PCDH15: variants seen among roughly 807,000 people sequenced by gnomAD.
The protein encoded by PCDH15 is protocadherin-15.
PCDH15 carries 129 observed loss-of-function variants against 178.5 expected under a neutral mutation model. That is an observed-to-expected ratio of 0.72 (90% confidence interval 0.63 to 0.84). The LOEUF is 0.84. PCDH15 is among the 40% of genes least tolerant of loss of function. PCDH15 has a pLI of 0.00. For synonymous variants in PCDH15, 800 were observed against 732.0 expected (o/e 1.09, Z -1.50); for missense variants, 2,230 against 2,099.9 (o/e 1.06, Z -1.21).
chr10:55,091,956 T>C (rs1286787967), intron 2 of PCDH15, among the ~76,000 whole-genome samples: 1 of 151,834 alleles, frequency 6.6e-6, no homozygotes, highest in Non-Finnish European at 1.5e-5. Context: ...AAACCAAGAT[T>C]TTGGTTTGCT....
chr10:54,456,311 C>T (rs1454292325), intron 3 of PCDH15, among the ~76,000 whole-genome samples: 1 of 152,164 alleles, frequency 6.6e-6, no homozygotes, highest in Non-Finnish European at 1.5e-5. Context: ...GGGAGCTCAC[C>T]TCTTGGAAAG....
At chr10:54,948,271 T>A (rs113345054) in intron 2 of PCDH15, among the ~76,000 whole-genome samples, 5 of 151,932 alleles carry the variant, frequency 3.3e-5, no homozygotes, top group Non-Finnish European at 7.4e-5. Flanking sequence ...TCTGTTTGAG[T>A]GCAAGGGCTG....
intron 4 of PCDH15, among the ~76,000 whole-genome samples, chr10:54,370,154 C>G (rs1947438829): frequency 6.6e-6 from 1 of 151,920 alleles, no homozygotes; most frequent in African/African-American, 2.4e-5. Flanking sequence ...GTTTGCAGAG[C>G]TGGAATGCAC....
rs576104466 is a variant in PCDH15 at position 54,826,435 on chromosome 10, A to G, written c.-29+71015T>C. Among the ~76,000 whole-genome samples, 65 of 152,144 alleles carry G rather than the reference A, an allele frequency of 4.3e-4. 3 individuals are homozygous for G. In the South Asian group the frequency reaches 0.013, roughly 30 times the overall value. ...GATGGCAAGATACAACTGAAACAAA[A>G]AAAAATTGAAATGAGATTAGCACAC... is the stretch of plus-strand genomic sequence containing the variant. On this transcript the variant is annotated intron_variant, in intron 3 of 5. Transcript: ENST00000458638.
chr10:55,361,473 A>G (rs923977750), intron 2 of PCDH15, among the ~76,000 whole-genome samples: 3 of 152,014 alleles, frequency 2.0e-5, no homozygotes, highest in African/African-American at 7.2e-5. Context: ...GAAATTTGAT[A>G]AGCTTTTTCT....
At chr10:54,715,755 C>T (rs1168813270) in intron 1 of PCDH15, among the ~76,000 whole-genome samples, 5 of 152,068 alleles carry the variant, frequency 3.3e-5, no homozygotes, top group Non-Finnish European at 7.4e-5. Flanking sequence ...GGCACACACA[C>T]GTCCACAGAT....
intron 3 of PCDH15, among the ~76,000 whole-genome samples, chr10:54,513,926 C>T (rs1221820244): frequency 6.6e-6 from 1 of 152,168 alleles, no homozygotes; most frequent in Non-Finnish European, 1.5e-5. Context: ...ATAAAAGGTG[C>T]TGACAGTTGT....
At chr10:54,846,013 C>T (rs970626214) in intron 3 of PCDH15, among the ~76,000 whole-genome samples, 2 of 151,944 alleles carry the variant, frequency 1.3e-5, no homozygotes, top group Non-Finnish European at 2.9e-5. Context: ...TTCTAAAAAC[C>T]ATTTAATATG....
chr10:55,331,640 T>C (rs1844200525), intron 2 of PCDH15, among the ~76,000 whole-genome samples: 2 of 152,032 alleles, frequency 1.3e-5, no homozygotes, highest in African/African-American at 2.4e-5. Flanking sequence ...AAGCTCTCAT[T>C]GTAGAAACAA....
chr10:54,595,325 C>G (rs1239797989), intron 2 of PCDH15, among the ~76,000 whole-genome samples: 1 of 152,164 alleles, frequency 6.6e-6, no homozygotes, highest in Non-Finnish European at 1.5e-5. Context: ...GCACACAATG[C>G]AGAGTGCTGA....
intron 1 of PCDH15, among the ~76,000 whole-genome samples, chr10:54,697,685 A>AAGGGAGGAAGGGAGGAAGGGAGGAAGGG (rs2095253495): frequency 1.3e-5 from 1 of 75,616 alleles, no homozygotes; most frequent in African/African-American, 5.1e-5. Flanking sequence ...GGAAGGGAGG[A>AAGGGAGGAAGGGAGGAAGGGAGGAAGGG]AGGGAGGAAG....
At chr10:54,538,306 G>T (rs1489435297) in intron 2 of PCDH15, among the ~76,000 whole-genome samples, 1 of 151,974 alleles carries the variant, frequency 6.6e-6, no homozygotes, top group Admixed American at 6.6e-5. Context: ...TGAAAGTAAG[G>T]GTCCAGTTTA....
At chr10:53,837,718 A>G (rs956712893) in intron 29 of PCDH15, among the ~76,000 whole-genome samples, 5 of 152,016 alleles carry the variant, frequency 3.3e-5, no homozygotes, top group Non-Finnish European at 5.9e-5. Context: ...ATAGATACCA[A>G]TACTTGGGCA....
At chr10:54,551,567 T>G (rs2086619954) in intron 2 of PCDH15, among the ~76,000 whole-genome samples, 1 of 152,150 alleles carries the variant, frequency 6.6e-6, no homozygotes, top group Admixed American at 6.5e-5. Context: ...AAGCAAAATT[T>G]GATTTTTACT....
intron 2 of PCDH15, among the ~76,000 whole-genome samples, chr10:55,024,178 G>T (rs545396264): frequency 1.0e-4 from 15 of 145,220 alleles, no homozygotes; most frequent in African/African-American, 3.7e-4. Flanking sequence ...AATATATATA[G>T]AGAGAGGAAG....
rs559164308 is a variant in PCDH15, at chr10:53,804,557, T to A, written c.*2022A>T. 9 of 151,838 alleles carry A rather than the reference T, an allele frequency of 5.9e-5. No homozygotes were observed. The highest frequency in any genetic ancestry group is 2.2e-4 in the African/African-American group (9 of 41,460). The allele number at this position is 151,838 out of a possible 1,614,324, so 9.4% of individuals were successfully genotyped here. On this transcript the variant is annotated 3_prime_UTR_variant, in exon 38 of 38. Coordinates refer to ENST00000644397, the MANE Select transcript of PCDH15 (RefSeq NM_001384140.1). ...ATGTGAGAAAGGCACAACAACAGAA[T>A]AAGTTAAATGTCACAGCCAGAAATC...
chr10:54,936,727 T>TA (rs147956057), intron 2 of PCDH15, among the ~76,000 whole-genome samples: 5 of 150,286 alleles, frequency 3.3e-5, no homozygotes, highest in African/African-American at 9.7e-5. Flanking sequence ...TTTTTTTTTT[T>TA]AGTTTTTAGT....
chr10:54,432,941 T>C (rs1243183985), intron 3 of PCDH15, among the ~76,000 whole-genome samples: 2 of 151,986 alleles, frequency 1.3e-5, no homozygotes, highest in African/African-American at 4.8e-5. Context: ...AAAGAAGACA[T>C]ACAAATAGCA....
chr10:54,541,047 C>A (rs2085158924), intron 2 of PCDH15, among the ~76,000 whole-genome samples: 1 of 152,056 alleles, frequency 6.6e-6, no homozygotes, highest in African/African-American at 2.4e-5. Context: ...ATACAGCTAA[C>A]ATTAAACTAA....
Sources: gnomAD v4.1 joint callset for allele counts (sites outside exome capture counted in the v4.1 genomes callset) on GRCh38, gnomAD v4.1.1 for gene constraint, MANE v1.5 for transcripts, NCBI Gene and HGNC (gene_info 2026-07-23, HGNC 2026-07-21) for gene names.